The following RPH3AL variants were observed in gnomAD, a reference collection of about 807,000 sequenced individuals.
The protein encoded by RPH3AL is rabphilin 3A like (without C2 domains).
A neutral mutation model predicts 43.1 loss-of-function variants in RPH3AL; 38 were observed. The ratio of observed to expected loss-of-function variants is 0.88; its 90% CI spans 0.68 to 1.15. The LOEUF (loss-of-function observed/expected upper bound fraction) is 1.15. Ranked by LOEUF, RPH3AL falls within the 50% of genes most tolerant of loss-of-function variation. The pLI is 0.00. For synonymous variants in RPH3AL, 189 were observed against 176.3 expected (o/e 1.07, Z -0.57); for missense variants, 462 against 423.2 (o/e 1.09, Z -0.81).
intron 1 of RPH3AL, among the ~76,000 whole-genome samples, chr17:336,191 G>T (rs768274133): frequency 3.3e-5 from 5 of 152,152 alleles, no homozygotes; most frequent in Admixed American, 1.3e-4. Context: ...CAACAGCTCT[G>T]ACATCTGCTC....
chr17:238,165 GAGAA>G (rs1007044830), intron 7 of RPH3AL, among the ~76,000 whole-genome samples: 3 of 110,040 alleles, frequency 2.7e-5, no homozygotes, highest in Non-Finnish European at 4.1e-5. Flanking sequence ...AGAAAGAAGA[GAGAA>G]AGAGAGAGAG....
rs963334240 is a variant in RPH3AL, at chr17:290,925, C to T, written c.352-9071G>A. Among the ~76,000 whole-genome samples the T allele has an allele frequency of 2.6e-5, 4 of 152,134 alleles. No homozygotes were observed. The highest frequency in any genetic ancestry group is 5.9e-5 in the Non-Finnish European group (4 of 68,028). Reference sequence around the variant, plus strand: ...GGGCTGTTCATGAGCCTCACTCGACCGAAAAGGGTGAAACTGCGCTCAAAC... The same window carrying T: ...GGGCTGTTCATGAGCCTCACTCGACTGAAAAGGGTGAAACTGCGCTCAAAC... On this transcript the variant is annotated intron_variant, in intron 5 of 9. Transcript: ENST00000331302. The surrounding 1 kb of genome is among the most constrained non-coding windows in gnomAD (Gnocchi z 4.2).
At chr17:319,051 A>T (rs1244274379) in intron 5 of RPH3AL, among the ~76,000 whole-genome samples, 1 of 152,236 alleles carries the variant, frequency 6.6e-6, no homozygotes, top group Admixed American at 6.5e-5. Context: ...TAGCATGGTG[A>T]GGTACATGGT....
intron 7 of RPH3AL, among the ~76,000 whole-genome samples, chr17:243,955 C>CCCTTCCTCTACTGATTA (rs1555538442): frequency 2.8e-5 from 4 of 141,846 alleles, no homozygotes; most frequent in Non-Finnish European, 4.6e-5. Context: ...CTACTGATTA[C>CCCTTCCTCTACTGATTA]CCTTCCTCTA....
chr17:242,951 C>A (rs1176331203), intron 7 of RPH3AL, among the ~76,000 whole-genome samples: 8 of 120,502 alleles, frequency 6.6e-5, no homozygotes, highest in African/African-American at 9.5e-5. Context: ...CCTCTATTGA[C>A]TACCTTCCTC....
intron 1 of RPH3AL, among the ~76,000 whole-genome samples, chr17:335,615 G>T (rs980898984): frequency 6.6e-6 from 1 of 152,150 alleles, no homozygotes; most frequent in Admixed American, 6.5e-5. Flanking sequence ...ATGGCATCTG[G>T]CTGATAAAAT....
intron 6 of RPH3AL, among the ~76,000 whole-genome samples, chr17:259,813 C>A (rs1209430252): frequency 6.6e-6 from 1 of 152,250 alleles, no homozygotes; most frequent in Non-Finnish European, 1.5e-5. Context: ...CAGCTCACGG[C>A]CAATCTGACT....
chr17:224,549 C>T (rs1567563362), intron 7 of RPH3AL, among the ~76,000 whole-genome samples: 1 of 152,252 alleles, frequency 6.6e-6, no homozygotes, highest in Non-Finnish European at 1.5e-5. Context: ...GCTCTGTTTG[C>T]ATGTCTGCTT....
chr17:264,375 G>A lies in RPH3AL; in HGVS notation c.439-17090C>T, dbSNP rs2042272361. On this transcript the variant is annotated intron_variant, in intron 6 of 9. Coordinates refer to ENST00000331302, the MANE Select transcript of RPH3AL (RefSeq NM_006987.4). This position sits in a 1 kb window ranked among gnomAD's most constrained non-coding sequence, Gnocchi z 4.8. ...GATGGGGACTCAGAATCCGCAGCACGTTGACAGCAGGATTACCCTTCGGAG... is the reference window on the plus strand; with the variant it reads ...GATGGGGACTCAGAATCCGCAGCACATTGACAGCAGGATTACCCTTCGGAG... 1.3e-5 allele frequency among the ~76,000 whole-genome samples: 1 copy of A among 76,942 alleles called. No homozygotes were observed. The highest frequency in any genetic ancestry group is 2.7e-5 in the Non-Finnish European group (1 of 36,986). The allele number at this position is 76,942 out of a possible 152,430, so 50.5% of individuals were successfully genotyped here.
At chr17:316,402 C>A (rs560759532) in intron 5 of RPH3AL, among the ~76,000 whole-genome samples, 1 of 151,296 alleles carries the variant, frequency 6.6e-6, no homozygotes, top group South Asian at 2.1e-4. Flanking sequence ...CCTCCATTGT[C>A]CTGTAGTCCC....
intron 5 of RPH3AL, among the ~76,000 whole-genome samples, chr17:307,988 T>C (rs2043543095): frequency 6.6e-6 from 1 of 152,322 alleles, no homozygotes; most frequent in African/African-American, 2.4e-5. Context: ...CCAGACAGCC[T>C]TGGAGATGCA....
rs1298199624 is a variant in RPH3AL at position 322,938 on chromosome 17, T to G, written c.78-1523A>C. On this transcript the variant is annotated intron_variant, in intron 3 of 9. Transcript: ENST00000331302. The surrounding 1 kb of genome is among the most constrained non-coding windows in gnomAD (Gnocchi z 4.0). ...CCCTTCCCAGATGCGAGACCTCGGA[T>G]GAGGCTCTCACCCTTGGTTTTCTGA... is the stretch of plus-strand genomic sequence containing the variant. 6.6e-6 allele frequency among the ~76,000 whole-genome samples: 1 copy of G among 152,194 alleles called. No individual in the cohort carries two copies. Among genetic ancestry groups the G allele is most frequent in the Non-Finnish European group, 1.5e-5 (1 of 68,032 alleles).
intron 5 of RPH3AL, among the ~76,000 whole-genome samples, chr17:316,347 G>T (rs1330212497): frequency 6.8e-5 from 10 of 147,748 alleles, no homozygotes; most frequent in African/African-American, 2.6e-4. Context: ...CTGACCTGTA[G>T]TCTCTGTGCT....
intron 3 of RPH3AL, among the ~76,000 whole-genome samples, chr17:324,262 G>A (rs891389585): frequency 4.6e-5 from 7 of 152,110 alleles, no homozygotes; most frequent in African/African-American, 7.2e-5. Flanking sequence ...GGCCGCCTCC[G>A]CACCCACGTT....
At chr17:238,389 C>A (rs74559876) in intron 7 of RPH3AL, among the ~76,000 whole-genome samples, 1 of 152,114 alleles carries the variant, frequency 6.6e-6, no homozygotes, top group Non-Finnish European at 1.5e-5. Flanking sequence ...ACCTAGGCAG[C>A]GGTGCCTGCG....
At chr17:252,052 C>A (rs2041916896) in intron 6 of RPH3AL, among the ~76,000 whole-genome samples, 1 of 151,792 alleles carries the variant, frequency 6.6e-6, no homozygotes, top group South Asian at 2.1e-4. Context: ...CTCACTGCAG[C>A]CTTCACCTGC....
At chr17:331,637 C>T in intron 2 of RPH3AL, 2 of 1,288,366 alleles carry the variant, frequency 1.6e-6, no homozygotes, top group Non-Finnish European at 1.0e-6. Context: ...CTCCAAACCT[C>T]GTCAGCATGC....
At chr17:221,726 G>T (rs539335764) in intron 7 of RPH3AL, among the ~76,000 whole-genome samples, 2 of 131,918 alleles carry the variant, frequency 1.5e-5, no homozygotes, top group African/African-American at 3.1e-5. Context: ...CAGCTCTGAG[G>T]CCTCCACTCA....
At position 270,773 on chromosome 17, in the gene RPH3AL, A is replaced by G. The variant is rs540587583; in HGVS notation, c.438+10995T>C. On this transcript the variant is annotated intron_variant, in intron 6 of 9. Transcript: ENST00000331302. ...TTCCTTTGCTGTGTGGAAGCTCTTT[A>G]GTTTAATTAGATCCCATTTGTCTAT... Among the ~76,000 whole-genome samples the G allele has an allele frequency of 1.6e-4, 24 of 151,854 alleles. No individual in the cohort carries two copies. The South Asian group carries it at 4.8e-3, about 30-fold the overall frequency.
Sources: allele counts gnomAD v4.1 joint callset (sites outside exome capture counted in the v4.1 genomes callset), GRCh38; gene constraint gnomAD v4.1.1; non-coding constraint Gnocchi (gnomAD v3.1); transcripts MANE v1.5; gene names NCBI Gene and HGNC (gene_info 2026-07-23, HGNC 2026-07-21).